SYNJ1: variants seen among roughly 807,000 people sequenced by gnomAD.
SYNJ1 encodes synaptojanin 1.
A neutral mutation model predicts 168.2 loss-of-function variants in SYNJ1; 78 were observed. The ratio of observed to expected loss-of-function variants is 0.46; its 90% CI spans 0.39 to 0.56. The LOEUF is 0.56. SYNJ1 is among the 20% of genes least tolerant of loss of function. SYNJ1 has a pLI of 0.00. For synonymous variants in SYNJ1, 539 were observed against 548.6 expected, an observed-to-expected ratio of 0.98 and a Z score of 0.24; for missense variants, 1,303 against 1,597.6, an observed-to-expected ratio of 0.82 and a Z score of 3.14.
intron 27 of SYNJ1, 55 bp from the exon 28 acceptor site, chr21:32,642,188 T>C (rs1164289319): frequency 3.4e-5 from 55 of 1,597,158 alleles, no homozygotes; most frequent in Non-Finnish European, 4.4e-5. Flanking sequence ...TTAAGCAATA[T>C]TGCATAACAT....
chr21:32,670,300 A>G lies in SYNJ1; in HGVS notation c.1799T>C (p.Ile600Thr). The G allele has an allele frequency of 6.2e-7, 1 of 1,613,470 alleles. No homozygotes were observed. Among genetic ancestry groups the G allele is most frequent in the Non-Finnish European group, 8.5e-7 (1 of 1,179,770 alleles). ...GTGGCTAGCTTACCTTGCACTCACA[A>G]TGTTTCCAGCATTCAATTCTACCAT... is the stretch of plus-strand genomic sequence containing the variant. ...EEMVELNAGN[I>T]VSASTTNQKL... Residue 600 changes from isoleucine to threonine, a missense_variant, in exon 15 of 33, where the codon ATT becomes ACT. Ile to Thr is a moderately conservative substitution (Grantham distance 89). Transcript: ENST00000674351.
In SYNJ1 at chr21:32,665,047, A is replaced by G; in HGVS notation, c.2170T>C (p.Tyr724His). The G allele has an allele frequency of 6.2e-7, 1 of 1,602,064 alleles. No homozygotes were observed. The change falls in exon 18 of 33, where the codon TAT becomes CAT. Residue 724 changes from tyrosine (Y) to histidine (H), a missense_variant. This residue lies in a region of SYNJ1 where 920 missense variants were observed against 1,208.8 expected (regional missense o/e 0.76). Coordinates refer to ENST00000674351, the MANE Select transcript of SYNJ1 (RefSeq NM_203446.3). ...TTGAAATCACCACACCAAAATACAT[A>G]GTCATGGGAAAATAGCATCCTTCCC... ...PMGRMLFSHD[Y>H]VFWCGDFNYR...
upstream of SYNJ1, chr21:32,728,199 C>T (rs541360886): frequency 3.6e-6 from 3 of 838,276 alleles, no homozygotes; most frequent in Admixed American, 9.9e-5. Context: ...CGGCCGCCCC[C>T]AGGCAGAGCT....
intron 19 of SYNJ1, 149 bp from the exon 20 acceptor site, chr21:32,657,269 T>A (rs909623353): frequency 5.0e-5 from 30 of 602,152 alleles, no homozygotes; most frequent in Non-Finnish European, 8.2e-5. Context: ...GCAGTCTAAA[T>A]ACCTTTAAAT....
At position 32,630,254 on chromosome 21, in the gene SYNJ1, G is replaced by C. The variant is rs960865409; in HGVS notation, c.*1551C>G. ...GCGTATGAAGGTGCTGGAGTGAAAA[G>C]TAACAAGGTTGTGTGTATTTGAAGG... On this transcript the variant is annotated 3_prime_UTR_variant, in exon 33 of 33. Coordinates refer to ENST00000674351, the MANE Select transcript of SYNJ1 (RefSeq NM_203446.3). 2.6e-5 allele frequency: 4 copies of C among 152,202 alleles called. No individual in the cohort carries two copies. The highest frequency in any genetic ancestry group is 9.7e-5 in the African/African-American group (4 of 41,440). The allele number at this position is 152,202 out of a possible 1,614,324, so 9.4% of individuals were successfully genotyped here.
rs188868185 is a variant in SYNJ1 at position 32,699,744 on chromosome 21, C to T, written c.479+94G>A. On this transcript the variant is annotated intron_variant, in intron 4 of 32. Coordinates refer to ENST00000674351, the MANE Select transcript of SYNJ1 (RefSeq NM_203446.3). The stretch of plus-strand genomic sequence containing the variant: ...TCGAGGGTCTTCAGGGTTCTTCCTC[C>T]TTTCTTGCTGTCACGGTGAGGAGGT... The T allele has an allele frequency of 3.7e-5, 54 of 1,472,474 alleles. 1 individual carries two copies. The Admixed American group carries it at 1.2e-3, about 33-fold the overall frequency. 91.2% of individuals were successfully genotyped at this position (1,472,474 alleles called of 1,614,324 possible).
chr21:32,645,074 G>T, intron 25 of SYNJ1, 68 bp from the exon 26 acceptor site: 1 of 1,466,602 alleles, frequency 6.8e-7, no homozygotes, highest in East Asian at 2.3e-5. Flanking sequence ...AAATGTCAAA[G>T]ATTGCTATAG....
intron 2 of SYNJ1, among the ~76,000 whole-genome samples, chr21:32,706,968 A>G (rs990804871): frequency 6.6e-6 from 1 of 152,216 alleles, no homozygotes; most frequent in African/African-American, 2.4e-5. Flanking sequence ...TTTTACAATC[A>G]TCACCATCAT....
At position 32,631,550 on chromosome 21, in the gene SYNJ1, C is replaced by A. The variant is rs2039328082; in HGVS notation, c.*255G>T. 8.1e-6 allele frequency: 13 copies of A among 1,614,122 alleles called. No homozygotes were observed. Among genetic ancestry groups the A allele is most frequent in the Non-Finnish European group, 9.3e-6 (11 of 1,180,024 alleles). ...TAATAAATGGGTTTGGAGAACTTCGCATATTTTCCTGGGATTGACTCCGAG... is the reference window on the plus strand; with the variant it reads ...TAATAAATGGGTTTGGAGAACTTCGAATATTTTCCTGGGATTGACTCCGAG... On this transcript the variant is annotated 3_prime_UTR_variant, in exon 33 of 33. Transcript: ENST00000674351.
At chr21:32,678,885 TC>T in intron 11 of SYNJ1, 84 bp from the exon 12 acceptor site, 1 of 1,541,476 alleles carries the variant, frequency 6.5e-7, no homozygotes, top group Non-Finnish European at 8.7e-7. Context: ...AAATTTTAAA[TC>T]AGTTTTATAT....
chr21:32,715,779 A>C (rs577486471), intron 2 of SYNJ1, among the ~76,000 whole-genome samples: 3 of 152,162 alleles, frequency 2.0e-5, no homozygotes, highest in African/African-American at 7.2e-5. Context: ...TGAGACAATA[A>C]AGTTTTTTTT....
At chr21:32,728,030 CTCT>C, upstream of SYNJ1, 1 of 1,535,246 alleles carries the variant, frequency 6.5e-7, no homozygotes, top group Non-Finnish European at 8.7e-7. Context: ...GCAGGCCCAT[CTCT>C]TCCGCATTGC....
intron 22 of SYNJ1, among the ~76,000 whole-genome samples, chr21:32,652,651 G>T (rs1485107385): frequency 6.6e-6 from 1 of 152,190 alleles, no homozygotes; most frequent in Non-Finnish European, 1.5e-5. Context: ...AGAAATTTAG[G>T]ATTTGGGTCT....
At chr21:32,634,470 C>A (rs2039472404) in intron 32 of SYNJ1, among the ~76,000 whole-genome samples, 1 of 152,012 alleles carries the variant, frequency 6.6e-6, no homozygotes, top group African/African-American at 2.4e-5. Context: ...ATATTTCCCC[C>A]AAATATTTTT....
chr21:32,700,945 G>C (rs756052878), intron 3 of SYNJ1, among the ~76,000 whole-genome samples: 5 of 152,084 alleles, frequency 3.3e-5, no homozygotes, highest in Non-Finnish European at 5.9e-5. Context: ...ATGACAAAAA[G>C]CCTATGAAAT....
At chr21:32,635,782 A>G (rs962145170) in intron 31 of SYNJ1, among the ~76,000 whole-genome samples, 3 of 152,152 alleles carry the variant, frequency 2.0e-5, no homozygotes, top group African/African-American at 7.2e-5. Context: ...TCATTAATTT[A>G]CTTCATAATG....
intron 2 of SYNJ1, among the ~76,000 whole-genome samples, chr21:32,722,205 A>ATATAT (rs1555913162): frequency 8.5e-4 from 56 of 65,728 alleles, no homozygotes; most frequent in Non-Finnish European, 1.2e-3. Flanking sequence ...AAAAAAAAAA[A>ATATAT]ATATATATAT....
intron 6 of SYNJ1, among the ~76,000 whole-genome samples, chr21:32,688,574 A>G (rs2041914439): frequency 6.6e-6 from 1 of 152,216 alleles, no homozygotes; most frequent in Non-Finnish European, 1.5e-5. Flanking sequence ...AACCTCATCA[A>G]AAAAAGAAGT....
intron 11 of SYNJ1, 122 bp downstream of exon 11, chr21:32,681,374 C>G (rs2041616163): frequency 8.6e-7 from 1 of 1,161,632 alleles, no homozygotes; most frequent in East Asian, 2.5e-5. Flanking sequence ...GCACATTAAA[C>G]AGAATTCTAA....
Sources: allele counts gnomAD v4.1 joint callset (sites outside exome capture counted in the v4.1 genomes callset), GRCh38; gene constraint gnomAD v4.1.1; regional missense constraint gnomAD v4.1.1; transcripts MANE v1.5; gene names NCBI Gene and HGNC (gene_info 2026-07-23, HGNC 2026-07-21).